PIK3R5: variants seen among roughly 807,000 people sequenced by gnomAD.
The protein encoded by PIK3R5 is phosphoinositide 3-kinase regulatory subunit 5.
A neutral mutation model predicts 94.9 loss-of-function variants in PIK3R5; 32 were observed. That is an observed-to-expected ratio of 0.34 (90% CI 0.25 to 0.45). The LOEUF (loss-of-function observed/expected upper bound fraction) is 0.45, where lower values mean the gene tolerates loss of function less well. Among genes scored for constraint, PIK3R5 ranks in the 20% least tolerant of loss-of-function variants. The pLI, the probability that PIK3R5 is intolerant of heterozygous loss-of-function variation, is 1.00. For missense variants in PIK3R5, 853 were observed against 1,144.6 expected, an observed-to-expected ratio of 0.75 and a Z score of 3.68; for synonymous variants, 443 against 479.4, an observed-to-expected ratio of 0.92 and a Z score of 0.99.
chr17:8,921,095 C>G (rs1361014721), intron 1 of PIK3R5, among the ~76,000 whole-genome samples: 1 of 152,146 alleles, frequency 6.6e-6, no homozygotes, highest in East Asian at 1.9e-4. Flanking sequence ...CCCGCCTCAG[C>G]CTCCCAAAGT....
chr17:8,890,855 A>C lies in PIK3R5; in HGVS notation c.540T>G (p.Asn180Lys). Residue 180 changes from asparagine to lysine, a missense_variant, in exon 7 of 19, where the codon AAT becomes AAG. Asn to Lys is a moderately conservative substitution (Grantham distance 94, BLOSUM62 0). This residue lies in a region of PIK3R5 where 161 missense variants were observed against 249.5 expected (regional missense o/e 0.65). Transcript: ENST00000447110. This position sits in a 1 kb window ranked among gnomAD's most constrained non-coding sequence, Gnocchi z 6.1. Reference protein sequence around the residue: ...EVQAEFLAVANKLSTPGHSPH... With the variant: ...EVQAEFLAVAKKLSTPGHSPH... ...GCGAGTGTCCGGGCGTACTCAGCTT[A>C]TTGGCTACAGCAAGGAACTCGGCCT... 5 of 1,613,778 alleles carry C rather than the reference A, an allele frequency of 3.1e-6. No homozygotes were observed. Among genetic ancestry groups the C allele is most frequent in the Non-Finnish European group, 4.2e-6 (5 of 1,179,916 alleles).
chr17:8,927,671 T>A (rs548342448), intron 1 of PIK3R5, among the ~76,000 whole-genome samples: 3 of 152,334 alleles, frequency 2.0e-5, no homozygotes, highest in African/African-American at 7.2e-5. Context: ...CAGAGACGTA[T>A]CAGTGGAGGC....
At chr17:8,953,434 C>T (rs575140782) in intron 1 of PIK3R5, among the ~76,000 whole-genome samples, 12 of 152,318 alleles carry the variant, frequency 7.9e-5, no homozygotes, top group African/African-American at 2.6e-4. Context: ...TAAAGGGCCA[C>T]ACCCTTATTT....
rs1187877969 is a variant in PIK3R5 at position 8,890,662 on chromosome 17, G to A, written c.657+76C>T. 4 of 1,305,100 alleles carry A rather than the reference G, an allele frequency of 3.1e-6. No individual in the cohort carries two copies. Among genetic ancestry groups the A allele is most frequent in the Non-Finnish European group, 3.2e-6 (3 of 946,942 alleles). 80.8% of individuals were successfully genotyped at this position (1,305,100 alleles called of 1,614,324 possible). ...GACTAAGTGTACCCTGGAGACCGTG[G>A]CTGAGATGAAGCAGGGAGAGGGTGC... On this transcript the variant is annotated intron_variant, in intron 7 of 18. Transcript: ENST00000447110. This position sits in a 1 kb window ranked among gnomAD's most constrained non-coding sequence, Gnocchi z 6.1.
intron 1 of PIK3R5, among the ~76,000 whole-genome samples, chr17:8,954,459 G>C (rs2091433821): frequency 6.6e-6 from 1 of 152,168 alleles, no homozygotes; most frequent in South Asian, 2.1e-4. Flanking sequence ...GCCTGGCACG[G>C]GCGGGACAGG....
At chr17:8,918,400 C>G (rs758039044) in intron 1 of PIK3R5, among the ~76,000 whole-genome samples, 6 of 152,084 alleles carry the variant, frequency 3.9e-5, no homozygotes, top group Non-Finnish European at 7.4e-5. Flanking sequence ...CTTCCAATGG[C>G]CACAGCTAGG....
Position 8,887,572 on chromosome 17 carries a change from C to T in PIK3R5, c.1728G>A (p.Arg576=), listed in dbSNP as rs775355048. 5.0e-6 allele frequency: 8 copies of T among 1,608,644 alleles called. No homozygotes were observed. In the East Asian group the frequency reaches 1.6e-4, roughly 31 times the overall value. The change falls in exon 11 of 19, where the codon CGG becomes CGA. Residue 576 remains arginine, a synonymous_variant. Coordinates refer to ENST00000447110, the MANE Select transcript of PIK3R5 (RefSeq NM_001142633.3). ...CTGTCGGGGGTGAGGGCGTCTGGCT[C>T]CGAGGGGGTGGACAGGCACCAGGGC... ...GTSPGACPPP[R]SQTPSPPTDS...
rs971556633 is a variant in PIK3R5 at position 8,889,782 on chromosome 17, C to A, written c.811+191G>T. Among the ~76,000 whole-genome samples the A allele has an allele frequency of 1.3e-5, 2 of 152,146 alleles. No individual in the cohort carries two copies. The highest frequency in any genetic ancestry group is 4.8e-5 in the African/African-American group (2 of 41,412). On this transcript the variant is annotated intron_variant, in intron 8 of 18. Transcript: ENST00000447110. This position sits in a 1 kb window ranked among gnomAD's most constrained non-coding sequence, Gnocchi z 4.1. ...TTCCCACAAGCTGCCATCATGATAGCACCCCCACCCTGCCCCTATAGACAG... is the reference window on the plus strand; with the variant it reads ...TTCCCACAAGCTGCCATCATGATAGAACCCCCACCCTGCCCCTATAGACAG...
At position 8,909,123 on chromosome 17, in the gene PIK3R5, G is replaced by A. The variant is rs754194176; in HGVS notation, c.155C>T (p.Pro52Leu). 3.1e-6 allele frequency: 5 copies of A among 1,609,142 alleles called. No homozygotes were observed. The highest frequency in any genetic ancestry group is 3.3e-5 in the Admixed American group (2 of 59,714). Reference sequence around the variant, plus strand: ...CTCAAGGAGGATAAGGAAGTGGCCCGGGTCCCTGCTGACCAGCTCCTGCAG... The same window carrying A: ...CTCAAGGAGGATAAGGAAGTGGCCCAGGTCCCTGCTGACCAGCTCCTGCAG... ...WSLQELVSRD[P>L]GHFLILLEQI... The change falls in exon 3 of 19, where the codon CCG becomes CTG. Residue 52 changes from proline (P) to leucine (L), a missense_variant. Transcript: ENST00000447110. This position sits in a 1 kb window ranked among gnomAD's most constrained non-coding sequence, Gnocchi z 4.3.
rs773308684 is a variant in PIK3R5 at position 8,955,483 on chromosome 17, C to G, written c.-14+10113G>C. Among the ~76,000 whole-genome samples, 2 of 152,202 alleles carry G rather than the reference C, an allele frequency of 1.3e-5. No individual in the cohort carries two copies. The highest frequency in any genetic ancestry group is 2.9e-5 in the Non-Finnish European group (2 of 68,032). ...GTGGGACTCAACTTCGAAACCTGAA[C>G]AGAAGACTAAGGACTCTGGACTCTC... On this transcript the variant is annotated intron_variant, in intron 1 of 18. Transcript: ENST00000447110. The surrounding 1 kb of genome is among the most constrained non-coding windows in gnomAD (Gnocchi z 4.4).
chr17:8,894,141 G>A (rs371343576), intron 5 of PIK3R5, among the ~76,000 whole-genome samples: 1 of 152,190 alleles, frequency 6.6e-6, no homozygotes, highest in Non-Finnish European at 1.5e-5. Flanking sequence ...GATTAGATCC[G>A]TGGCCTCTGA....
Position 8,896,902 on chromosome 17 carries a change from G to A in PIK3R5, c.413-3247C>T, listed in dbSNP as rs1350223037. Among the ~76,000 whole-genome samples the A allele has an allele frequency of 6.6e-6, 1 of 152,146 alleles. No individual in the cohort carries two copies. Among genetic ancestry groups the A allele is most frequent in the Non-Finnish European group, 1.5e-5 (1 of 68,024 alleles). ...GGTGGAAGCAGAGCCCGGCCCCAACGGCATTGCAATCTCCAAATGAGACTA... is the reference window on the plus strand; with the variant it reads ...GGTGGAAGCAGAGCCCGGCCCCAACAGCATTGCAATCTCCAAATGAGACTA... On this transcript the variant is annotated intron_variant, in intron 5 of 18. Coordinates refer to ENST00000447110, the MANE Select transcript of PIK3R5 (RefSeq NM_001142633.3). The surrounding 1 kb of genome is among the most constrained non-coding windows in gnomAD (Gnocchi z 4.0).
chr17:8,957,775 G>A (rs2091487978), intron 1 of PIK3R5, among the ~76,000 whole-genome samples: 1 of 152,196 alleles, frequency 6.6e-6, no homozygotes, highest in South Asian at 2.1e-4. Context: ...TGGGAGGACT[G>A]AGGAAGAGAG....
chr17:8,949,673 G>A (rs564784536), intron 1 of PIK3R5, among the ~76,000 whole-genome samples: 13 of 152,136 alleles, frequency 8.5e-5, no homozygotes, highest in South Asian at 4.1e-4. Context: ...ATGGAAAACC[G>A]AACATCATAT....
Position 8,881,892 on chromosome 17 carries a change from A to G in PIK3R5, c.2206-11T>C. 6.2e-7 allele frequency: 1 copy of G among 1,607,558 alleles called. No homozygotes were observed. The highest frequency in any genetic ancestry group is 1.1e-5 in the South Asian group (1 of 90,400). On this transcript the variant is annotated splice_polypyrimidine_tract_variant and intron_variant, in intron 15 of 18. Transcript: ENST00000447110. The surrounding 1 kb of genome is among the most constrained non-coding windows in gnomAD (Gnocchi z 4.8). ...TCCACTGATGGCCCCCTGGAAATGC[A>G]GTGTAGCCAGACCCTCTGAGTCCAG... is the stretch of plus-strand genomic sequence containing the variant.
chr17:8,906,361 G>A (rs757085588), intron 3 of PIK3R5, among the ~76,000 whole-genome samples: 8 of 151,894 alleles, frequency 5.3e-5, no homozygotes, highest in Non-Finnish European at 1.0e-4. Context: ...TTTACTATAC[G>A]GTCTCTAAGA....
rs2090148274 is a variant in PIK3R5 at position 8,896,130 on chromosome 17, T to C, written c.413-2475A>G. On this transcript the variant is annotated intron_variant, in intron 5 of 18. Transcript: ENST00000447110. This position sits in a 1 kb window ranked among gnomAD's most constrained non-coding sequence, Gnocchi z 4.0. Reference sequence around the variant, plus strand: ...GACTCCTTTGAGCCTGGCTTAGAGATTGTACTGCCGAGTCCCCATTTGCTG... The same window carrying C: ...GACTCCTTTGAGCCTGGCTTAGAGACTGTACTGCCGAGTCCCCATTTGCTG... Among the ~76,000 whole-genome samples, 1 of 152,180 alleles carries C rather than the reference T, an allele frequency of 6.6e-6. No homozygotes were observed. The highest frequency in any genetic ancestry group is 1.5e-5 in the Non-Finnish European group (1 of 68,028).
intron 1 of PIK3R5, among the ~76,000 whole-genome samples, chr17:8,917,809 T>G (rs2090660034): frequency 6.6e-6 from 1 of 151,938 alleles, no homozygotes; most frequent in South Asian, 2.1e-4. Context: ...GAGGTTGCAG[T>G]GAGCTGAGAT....
intron 11 of PIK3R5, 123 bp from the exon 12 acceptor site, chr17:8,887,344 A>G (rs2089889810): frequency 7.0e-7 from 1 of 1,429,256 alleles, no homozygotes; most frequent in Non-Finnish European, 9.5e-7. Flanking sequence ...GGGAAGTATG[A>G]CAACTTTCAG....
Sources: allele counts gnomAD v4.1 joint callset (sites outside exome capture counted in the v4.1 genomes callset), GRCh38; gene constraint gnomAD v4.1.1; regional missense constraint gnomAD v4.1.1; non-coding constraint Gnocchi (gnomAD v3.1); transcripts MANE v1.5; gene names NCBI Gene and HGNC (gene_info 2026-07-23, HGNC 2026-07-21).